Variants in GRID2 observed in about 807,000 individuals in gnomAD.
GRID2 encodes the protein glutamate receptor ionotropic, delta-2.
GRID2 carries 33 observed loss-of-function variants against 114.8 expected under a neutral mutation model. That is an observed-to-expected ratio of 0.29 (90% CI 0.22 to 0.38). The LOEUF (loss-of-function observed/expected upper bound fraction) is 0.38, where lower values mean the gene tolerates loss of function less well. Among genes scored for constraint, GRID2 ranks in the 10% least tolerant of loss-of-function variants. The pLI is 1.00. For missense variants in GRID2, 1,184 were observed against 1,257.7 expected (o/e 0.94, Z 0.89); for synonymous variants, 505 against 449.9 (o/e 1.12, Z -1.55).
intron 9 of GRID2, among the ~76,000 whole-genome samples, chr4:93,408,102 A>G (rs998428933): frequency 1.3e-5 from 2 of 152,138 alleles, no homozygotes; most frequent in Admixed American, 6.6e-5. Flanking sequence ...TCTGAAGTCT[A>G]CTGGGGAATA....
intron 1 of GRID2, among the ~76,000 whole-genome samples, chr4:92,336,114 G>T (rs139962312): frequency 1.3e-5 from 2 of 152,226 alleles, no homozygotes; most frequent in East Asian, 3.9e-4. Flanking sequence ...GTACATATGT[G>T]CATGTGTGTA....
intron 6 of GRID2, among the ~76,000 whole-genome samples, chr4:93,219,518 A>C (rs1445300384): frequency 6.6e-6 from 1 of 152,152 alleles, no homozygotes; most frequent in Non-Finnish European, 1.5e-5. Flanking sequence ...ACATGTGAAC[A>C]TCCCTCTTAT....
chr4:93,078,857 AATT>A (rs1465643653), intron 2 of GRID2, among the ~76,000 whole-genome samples: 29 of 117,850 alleles, frequency 2.5e-4, no homozygotes, highest in African/African-American at 8.5e-4. Flanking sequence ...TAATTTTTGT[AATT>A]ATATCATATA....
chr4:93,156,643 A>G (rs1364929774), intron 4 of GRID2, among the ~76,000 whole-genome samples: 1 of 151,730 alleles, frequency 6.6e-6, no homozygotes, highest in Non-Finnish European at 1.5e-5. Context: ...AAAAACAGAG[A>G]TGGATACTTT....
At chr4:93,072,418 G>A (rs1043828887) in intron 2 of GRID2, among the ~76,000 whole-genome samples, 7 of 152,072 alleles carry the variant, frequency 4.6e-5, no homozygotes, top group South Asian at 2.1e-4. Context: ...GCAGACACAA[G>A]GGGAGTTTGT....
At chr4:92,671,864 A>G (rs1364706706) in intron 2 of GRID2, among the ~76,000 whole-genome samples, 1 of 152,164 alleles carries the variant, frequency 6.6e-6, no homozygotes, top group African/African-American at 2.4e-5. Context: ...ACTTTTGCTA[A>G]CAACTGTAAT....
At chr4:93,417,114 CATTT>C (rs1246401925) in intron 9 of GRID2, among the ~76,000 whole-genome samples, 2 of 152,068 alleles carry the variant, frequency 1.3e-5, no homozygotes, top group Non-Finnish European at 2.9e-5. Context: ...AGGATTTTAT[CATTT>C]ATTATTTTCC....
rs200165204 is a variant in GRID2, at chr4:93,212,774, G to T, written c.790-3964G>T. 5.7e-4 allele frequency among the ~76,000 whole-genome samples: 84 copies of T among 148,542 alleles called. No individual in the cohort carries two copies. In the East Asian group the frequency reaches 0.016, roughly 28 times the overall value. On this transcript the variant is annotated intron_variant, in intron 5 of 15. Coordinates refer to ENST00000282020, the MANE Select transcript of GRID2 (RefSeq NM_001510.4). Reference sequence around the variant, plus strand: ...AAAGTTGTTGGTTTGGTTTTTTGTTGTTTTTTTTTTCTTTTTTGACAGAGT... The same window carrying T: ...AAAGTTGTTGGTTTGGTTTTTTGTTTTTTTTTTTTTCTTTTTTGACAGAGT...
chr4:93,093,185 C>T (rs548170777), intron 3 of GRID2, among the ~76,000 whole-genome samples: 44 of 152,058 alleles, frequency 2.9e-4, no homozygotes, highest in African/African-American at 9.4e-4. Context: ...TTGCTGAATT[C>T]GAAGTGACCC....
intron 2 of GRID2, among the ~76,000 whole-genome samples, chr4:92,810,237 A>G (rs1740604713): frequency 6.6e-6 from 1 of 151,910 alleles, no homozygotes; most frequent in Non-Finnish European, 1.5e-5. Flanking sequence ...AGAGATTTTT[A>G]GGATGCACTT....
chr4:93,498,999 T>A (rs12502338), intron 12 of GRID2, among the ~76,000 whole-genome samples: 12,223 of 151,970 alleles, frequency 0.08, 757 homozygotes, highest in Non-Finnish European at 0.12. Flanking sequence ...AGGTGTTGGA[T>A]TTTGACAAAT....
chr4:92,981,375 A>C (rs1479804401), intron 2 of GRID2, among the ~76,000 whole-genome samples: 1 of 152,076 alleles, frequency 6.6e-6, no homozygotes, highest in Non-Finnish European at 1.5e-5. Context: ...ATGCGTGCGT[A>C]TTATTGATCA....
intron 2 of GRID2, among the ~76,000 whole-genome samples, chr4:92,902,815 A>G (rs1399094164): frequency 6.6e-6 from 1 of 151,798 alleles, no homozygotes; most frequent in Non-Finnish European, 1.5e-5. Context: ...CTATGGCTTC[A>G]TTTCTGGATT....
At chr4:92,634,415 A>C (rs1485500881) in intron 2 of GRID2, among the ~76,000 whole-genome samples, 4 of 152,162 alleles carry the variant, frequency 2.6e-5, no homozygotes, top group Non-Finnish European at 5.9e-5. Context: ...GCATTTGCTT[A>C]ACACTCAAGG....
chr4:92,365,042 T>C (rs1728786019), intron 1 of GRID2, among the ~76,000 whole-genome samples: 1 of 151,932 alleles, frequency 6.6e-6, no homozygotes, highest in Admixed American at 6.6e-5. Flanking sequence ...ACATTGTTGG[T>C]GGGAAAGTAA....
intron 10 of GRID2, among the ~76,000 whole-genome samples, chr4:93,435,330 A>G (rs1203740982): frequency 6.6e-6 from 1 of 152,158 alleles, no homozygotes; most frequent in Non-Finnish European, 1.5e-5. Flanking sequence ...AACCTACTAT[A>G]GCCTACTAAA....
At chr4:92,582,786 G>T (rs975864440) in intron 1 of GRID2, among the ~76,000 whole-genome samples, 7 of 151,850 alleles carry the variant, frequency 4.6e-5, no homozygotes, top group Non-Finnish European at 8.8e-5. Flanking sequence ...AGAAGTTCGA[G>T]ATAAGCCTGG....
intron 5 of GRID2, among the ~76,000 whole-genome samples, chr4:93,209,778 T>C (rs1296238263): frequency 6.6e-6 from 1 of 152,256 alleles, no homozygotes; most frequent in Admixed American, 6.5e-5. Context: ...TTTTTGACTT[T>C]TTAATAATAG....
intron 2 of GRID2, among the ~76,000 whole-genome samples, chr4:92,744,478 C>A (rs778283208): frequency 4.1e-4 from 62 of 149,406 alleles, no homozygotes; most frequent in Non-Finnish European, 7.7e-4. Context: ...ACAGAGCAAT[C>A]CTCCATCTCA....
Sources: gnomAD v4.1 joint callset for allele counts (sites outside exome capture counted in the v4.1 genomes callset) on GRCh38, gnomAD v4.1.1 for gene constraint, MANE v1.5 for transcripts, NCBI Gene and HGNC (gene_info 2026-07-23, HGNC 2026-07-21) for gene names.